Variants in ROCK2 observed in about 807,000 individuals in gnomAD.
The protein encoded by ROCK2 is rho-associated protein kinase 2.
ROCK2 carries 61 observed loss-of-function variants against 195.1 expected under a neutral mutation model. The ratio of observed to expected loss-of-function variants is 0.31; its 90% CI spans 0.25 to 0.39. The LOEUF (loss-of-function observed/expected upper bound fraction) is 0.39. ROCK2 is among the 10% of genes least tolerant of loss of function. ROCK2 has a pLI of 1.00. For synonymous variants in ROCK2, 504 were observed against 545.5 expected (o/e 0.92, Z 1.06); for missense variants, 1,109 against 1,637.4 (o/e 0.68, Z 5.57).
chr2:11,337,542 G>A (rs557056227), intron 1 of ROCK2, among the ~76,000 whole-genome samples: 2 of 152,294 alleles, frequency 1.3e-5, no homozygotes, highest in East Asian at 1.9e-4. Context: ...TTAAAGAGCA[G>A]TGTCGGGGAA....
In ROCK2 at chr2:11,240,648, C is replaced by G. The variant is rs187392782; in HGVS notation, c.463-4686G>C. On this transcript the variant is annotated intron_variant, in intron 4 of 32. Coordinates refer to ENST00000315872, the MANE Select transcript of ROCK2 (RefSeq NM_004850.5). ...AATGTCATTGAAGGGTACAAGTGAC[C>G]ACTTTGGGATGGTGGAAATGCTCTA... Among the ~76,000 whole-genome samples the G allele has an allele frequency of 1.1e-3, 175 of 152,236 alleles. 1 individual carries two copies. The highest frequency in any genetic ancestry group is 4.0e-3 in the African/African-American group (166 of 41,540).
chr2:11,202,021 C>T, intron 21 of ROCK2, 31 bp downstream of exon 21: 1 of 1,546,620 alleles, frequency 6.5e-7, no homozygotes, highest in Non-Finnish European at 8.9e-7. Context: ...ACTCTGTTTG[C>T]TATTTGCAAA....
At position 11,207,759 on chromosome 2, in the gene ROCK2, A is replaced by C; in HGVS notation, c.2516T>G (p.Met839Arg). The part of the protein sequence containing the change: ...QENNHLMEMK[M>R]NLEKQNAELR... ...TTCAGCATTTTGTTTTTCCAAGTTC[A>C]TTTTCATTTCCATGAGATGGTTATT... The change falls in exon 20 of 33, where the codon ATG becomes AGG. Residue 839 changes from methionine to arginine, a missense_variant. Physicochemically the swap from Met to Arg is moderately conservative, Grantham distance 91. Around this residue, in one of 6 missense-constraint regions of ROCK2, gnomAD observed 542 missense variants for 672.0 expected, o/e 0.81. Transcript: ENST00000315872. 1 of 1,604,876 alleles carries C rather than the reference A, an allele frequency of 6.2e-7. No individual in the cohort carries two copies. Among genetic ancestry groups the C allele is most frequent in the Non-Finnish European group, 8.5e-7 (1 of 1,174,924 alleles).
intron 5 of ROCK2, among the ~76,000 whole-genome samples, chr2:11,229,557 C>T (rs190116169): frequency 2.8e-5 from 4 of 144,626 alleles, no homozygotes; most frequent in South Asian, 2.2e-4. Context: ...GGAAACTTCA[C>T]GTATCCAAAA....
intron 3 of ROCK2, among the ~76,000 whole-genome samples, chr2:11,271,731 G>A (rs1350393083): frequency 6.6e-6 from 1 of 152,144 alleles, no homozygotes; most frequent in East Asian, 1.9e-4. Flanking sequence ...AGGTTGAAAG[G>A]ACTGAAAGGT....
chr2:11,220,103 C>T (rs1230675357), intron 9 of ROCK2, among the ~76,000 whole-genome samples: 2 of 152,152 alleles, frequency 1.3e-5, no homozygotes, highest in African/African-American at 4.8e-5. Context: ...CCACAATCTC[C>T]ACCTCCTGGG....
At chr2:11,337,952 T>G (rs539645636) in intron 1 of ROCK2, among the ~76,000 whole-genome samples, 2 of 152,262 alleles carry the variant, frequency 1.3e-5, no homozygotes, top group South Asian at 2.1e-4. Flanking sequence ...CATCAGTTTC[T>G]TAAAAAGTAA....
intron 3 of ROCK2, among the ~76,000 whole-genome samples, chr2:11,262,560 A>G (rs1233130958): frequency 2.0e-5 from 3 of 152,130 alleles, no homozygotes; most frequent in Non-Finnish European, 4.4e-5. Context: ...AGTAAGTAGT[A>G]AGTCTCATGA....
At chr2:11,309,117 T>C (rs1667954948) in intron 1 of ROCK2, among the ~76,000 whole-genome samples, 1 of 152,000 alleles carries the variant, frequency 6.6e-6, no homozygotes, top group Non-Finnish European at 1.5e-5. Flanking sequence ...AGCACATCAC[T>C]GATGTATAGG....
chr2:11,233,355 TAGTA>T (rs1157954289), intron 5 of ROCK2, among the ~76,000 whole-genome samples: 1 of 152,148 alleles, frequency 6.6e-6, no homozygotes, highest in Non-Finnish European at 1.5e-5. Flanking sequence ...GAGAACTGAA[TAGTA>T]AGTGTTAGCA....
At chr2:11,295,966 A>AAGAAAGAGAGAGAG (rs1667500104) in intron 1 of ROCK2, among the ~76,000 whole-genome samples, 2 of 77,718 alleles carry the variant, frequency 2.6e-5, no homozygotes, top group Non-Finnish European at 5.2e-5. Flanking sequence ...CAAAAAACAA[A>AAGAAAGAGAGAGAG]AGAGAGAGAG....
intron 3 of ROCK2, among the ~76,000 whole-genome samples, chr2:11,262,863 C>T (rs1666282466): frequency 6.6e-6 from 1 of 152,080 alleles, no homozygotes; most frequent in African/African-American, 2.4e-5. Context: ...TAAAACACCT[C>T]ATTTGAAATT....
At chr2:11,252,237 C>G (rs1012236955) in intron 3 of ROCK2, among the ~76,000 whole-genome samples, 6 of 152,002 alleles carry the variant, frequency 3.9e-5, no homozygotes, top group African/African-American at 1.4e-4. Flanking sequence ...ATGGTGAAAC[C>G]CCGTTTCTAC....
chr2:11,296,435 C>A (rs970784982), intron 1 of ROCK2, among the ~76,000 whole-genome samples: 1 of 152,132 alleles, frequency 6.6e-6, no homozygotes, highest in African/African-American at 2.4e-5. Context: ...CCTTCTTTTT[C>A]ATTTATAACA....
chr2:11,206,482 A>C (rs1444747688), intron 20 of ROCK2, among the ~76,000 whole-genome samples: 2 of 152,350 alleles, frequency 1.3e-5, no homozygotes, highest in East Asian at 3.9e-4. Context: ...AAAAACACAA[A>C]GACAAAGATG....
chr2:11,265,507 C>T (rs1308526970), intron 3 of ROCK2, among the ~76,000 whole-genome samples: 2 of 152,004 alleles, frequency 1.3e-5, no homozygotes, highest in Non-Finnish European at 2.9e-5. Flanking sequence ...TATAAATACC[C>T]ACTGAAAATA....
chr2:11,242,706 G>T (rs147724122), intron 4 of ROCK2, among the ~76,000 whole-genome samples: 3 of 152,068 alleles, frequency 2.0e-5, no homozygotes, highest in East Asian at 3.9e-4. Flanking sequence ...TCCACCCCTT[G>T]CCTCCTTACA....
intron 1 of ROCK2, among the ~76,000 whole-genome samples, chr2:11,317,576 TTATATATATATATA>T (rs1156983946): frequency 3.4e-4 from 10 of 29,584 alleles, no homozygotes; most frequent in African/African-American, 1.2e-3. Flanking sequence ...ATCTACACAT[TTATATATATATATA>T]TATATATATA....
intron 5 of ROCK2, among the ~76,000 whole-genome samples, chr2:11,230,465 A>T (rs1324328253): frequency 6.6e-6 from 1 of 152,154 alleles, no homozygotes; most frequent in African/African-American, 2.4e-5. Context: ...ATATCATAGT[A>T]CAGAAAGAAC....
Sources: gnomAD v4.1 joint callset for allele counts (sites outside exome capture counted in the v4.1 genomes callset) on GRCh38, gnomAD v4.1.1 for gene constraint, gnomAD v4.1.1 regional missense constraint, MANE v1.5 for transcripts, NCBI Gene and HGNC (gene_info 2026-07-23, HGNC 2026-07-21) for gene names.